ADAM12: variants seen among roughly 807,000 people sequenced by gnomAD.
ADAM12 encodes disintegrin and metalloproteinase domain-containing protein 12.
In ADAM12, 70 loss-of-function variants were observed where a neutral mutation model predicts 106.4. The ratio of observed to expected loss-of-function variants is 0.66; its 90% CI spans 0.54 to 0.80. ADAM12 has a LOEUF of 0.80. ADAM12 is among the 30% of genes least tolerant of loss of function. ADAM12 has a pLI of 0.00. For synonymous variants in ADAM12, 420 were observed against 433.5 expected, an observed-to-expected ratio of 0.97 and a Z score of 0.39; for missense variants, 1,010 against 1,171.9, an observed-to-expected ratio of 0.86 and a Z score of 2.02.
chr10:126,267,184 T>G (rs961358703), intron 3 of ADAM12, among the ~76,000 whole-genome samples: 5 of 152,036 alleles, frequency 3.3e-5, no homozygotes, highest in South Asian at 2.1e-4. Flanking sequence ...CAGATTGGGT[T>G]TTGCTGTTGA....
At chr10:126,163,683 C>T (rs1172517092) in intron 3 of ADAM12, among the ~76,000 whole-genome samples, 1 of 152,156 alleles carries the variant, frequency 6.6e-6, no homozygotes, top group African/African-American at 2.4e-5. Context: ...CCCCCCGGCC[C>T]CAGAAGTGAA....
chr10:126,217,045 G>A (rs1958000209), intron 3 of ADAM12, among the ~76,000 whole-genome samples: 3 of 152,102 alleles, frequency 2.0e-5, no homozygotes, highest in Middle Eastern at 3.2e-3. Context: ...CAAGAATCAG[G>A]GATGTCAGCA....
At chr10:126,257,280 G>A (rs751851827) in intron 3 of ADAM12, among the ~76,000 whole-genome samples, 27 of 152,206 alleles carry the variant, frequency 1.8e-4, no homozygotes, top group Admixed American at 6.5e-5. Context: ...CACCAGGTAT[G>A]CCCAATCCTC....
At chr10:126,228,242 C>T (rs373078241) in intron 3 of ADAM12, among the ~76,000 whole-genome samples, 6 of 152,162 alleles carry the variant, frequency 3.9e-5, no homozygotes, top group African/African-American at 1.4e-4. Context: ...TGCCAACAAA[C>T]GATTGGTATT....
chr10:126,332,165 G>C (rs1302213015), intron 1 of ADAM12, among the ~76,000 whole-genome samples: 1 of 152,200 alleles, frequency 6.6e-6, no homozygotes, highest in Non-Finnish European at 1.5e-5. Flanking sequence ...GTATTCAACT[G>C]TCTACCTGGT....
In ADAM12 at chr10:126,022,438, G is replaced by T. The variant is rs117471363; in HGVS notation, c.2530-2613C>A. On this transcript the variant is annotated intron_variant, in intron 21 of 22. Coordinates refer to ENST00000448723, the MANE Select transcript of ADAM12 (RefSeq NM_001288973.2). ...AGCAAAGATGTTGCCTAGGTAAGATGCTGGCTTCCTGCCAGGGCTTAACTG... is the reference window on the plus strand; with the variant it reads ...AGCAAAGATGTTGCCTAGGTAAGATTCTGGCTTCCTGCCAGGGCTTAACTG... Among the ~76,000 whole-genome samples, 1,124 of 152,290 alleles carry T rather than the reference G, an allele frequency of 7.4e-3. 8 individuals are homozygous for T. The highest frequency in any genetic ancestry group is 0.013 in the Non-Finnish European group (858 of 68,026).
intron 21 of ADAM12, among the ~76,000 whole-genome samples, chr10:126,026,281 G>GCTAA: frequency 6.6e-6 from 1 of 152,264 alleles, no homozygotes; most frequent in Middle Eastern, 3.4e-3. Context: ...AATAAGAAGA[G>GCTAA]CTAACTATCC....
chr10:126,107,579 T>C (rs894080220), intron 8 of ADAM12, among the ~76,000 whole-genome samples: 1 of 152,132 alleles, frequency 6.6e-6, no homozygotes, highest in African/African-American at 2.4e-5. Context: ...ATGTGTAAAA[T>C]CTGCTGTTTC....
chr10:126,051,181 C>A (rs529396993), intron 14 of ADAM12, among the ~76,000 whole-genome samples: 1 of 152,288 alleles, frequency 6.6e-6, no homozygotes, highest in African/African-American at 2.4e-5. Flanking sequence ...TTAATTTAAT[C>A]CTGTTTGGCA....
chr10:126,042,258 AT>A, intron 18 of ADAM12: 1 of 1,611,570 alleles, frequency 6.2e-7, no homozygotes, highest in South Asian at 1.1e-5. Context: ...AAGAGGCATC[AT>A]TTAGACTTGC....
intron 3 of ADAM12, chr10:126,273,377 T>C (rs1311584436): frequency 6.6e-6 from 1 of 152,562 alleles, no homozygotes; most frequent in Non-Finnish European, 1.5e-5. Context: ...AACAGGGCTA[T>C]GGCAAGGGCT....
chr10:126,017,269 TGTC>T lies in ADAM12; in HGVS notation c.*7_*9del. 6 of 1,586,860 alleles carry T rather than the reference TGTC, an allele frequency of 3.8e-6. No homozygotes were observed. Among genetic ancestry groups the T allele is most frequent in the Non-Finnish European group, 5.1e-6 (6 of 1,165,362 alleles). The stretch of plus-strand genomic sequence containing the variant: ...TTCTGTCTTCACTGTTGAAAAAAGG[TGTC>T]GGCTTCTCACTTAATATAGGCGGTG... On this transcript the variant is annotated 3_prime_UTR_variant, in exon 23 of 23. Transcript: ENST00000448723.
chr10:126,117,765 G>GGGGA (rs397737895), intron 6 of ADAM12, among the ~76,000 whole-genome samples: 1 of 124,914 alleles, frequency 8.0e-6, no homozygotes, highest in Non-Finnish European at 1.6e-5. Flanking sequence ...AGTTGGGGGG[G>GGGGA]CGTAATTTTG....
chr10:126,094,240 T>C (rs940698312), intron 10 of ADAM12, 107 bp from the exon 11 acceptor site: 1 of 1,130,750 alleles, frequency 8.8e-7, no homozygotes, highest in Admixed American at 2.6e-5. Flanking sequence ...TTTGACTTAA[T>C]GTAATTCCTT....
intron 5 of ADAM12, among the ~76,000 whole-genome samples, chr10:126,132,791 A>C (rs1483534307): frequency 6.6e-6 from 1 of 152,044 alleles, no homozygotes; most frequent in African/African-American, 2.4e-5. Context: ...ATCATGTTCT[A>C]GGGTGAGAAC....
intron 4 of ADAM12, among the ~76,000 whole-genome samples, chr10:126,143,987 G>A (rs1422493199): frequency 6.6e-6 from 1 of 152,136 alleles, no homozygotes; most frequent in Non-Finnish European, 1.5e-5. Flanking sequence ...AGAGTGTGCA[G>A]GGCAGGATTG....
At chr10:126,108,316 A>G (rs561209423) in intron 8 of ADAM12, among the ~76,000 whole-genome samples, 4 of 152,260 alleles carry the variant, frequency 2.6e-5, no homozygotes, top group Non-Finnish European at 2.9e-5. Flanking sequence ...GCTAATCGGG[A>G]AGTCCAAAAC....
intron 1 of ADAM12, among the ~76,000 whole-genome samples, chr10:126,377,214 A>G (rs1428497804): frequency 6.6e-6 from 1 of 152,174 alleles, no homozygotes; most frequent in African/African-American, 2.4e-5. Flanking sequence ...ACCACCACAT[A>G]CCAACTCTAT....
chr10:126,357,197 G>A lies in ADAM12; in HGVS notation c.89-26688C>T, dbSNP rs117423611. On this transcript the variant is annotated intron_variant, in intron 1 of 22. Transcript: ENST00000448723. ...TGTCAAAACTTAAAGACAAAAAATT[G>A]TGAGAGCAGCAAAAGATAAAAAATA... Among the ~76,000 whole-genome samples, 506 of 152,202 alleles carry A rather than the reference G, an allele frequency of 3.3e-3. 1 individual carries two copies. The highest frequency in any genetic ancestry group is 5.7e-3 in the Non-Finnish European group (386 of 68,026).
Sources: gnomAD v4.1 joint callset for allele counts (sites outside exome capture counted in the v4.1 genomes callset) on GRCh38, gnomAD v4.1.1 for gene constraint, MANE v1.5 for transcripts, NCBI Gene and HGNC (gene_info 2026-07-23, HGNC 2026-07-21) for gene names.